The following KCNQ1 variants were observed in gnomAD, a reference collection of about 807,000 sequenced individuals.
KCNQ1 encodes the protein potassium voltage-gated channel subfamily KQT member 1.
KCNQ1 carries 49 observed loss-of-function variants against 72.4 expected under a neutral mutation model. The observed-to-expected ratio is 0.68, with a 90% confidence interval of 0.54 to 0.86. KCNQ1 has a LOEUF of 0.86. Among genes scored for constraint, KCNQ1 ranks in the 40% least tolerant of loss-of-function variants. The probability of loss-of-function intolerance (pLI) is 0.00; values close to 1 mark genes in which losing one functional copy is unlikely to be tolerated. For synonymous variants in KCNQ1, 450 were observed against 412.6 expected (o/e 1.09, Z -1.10); for missense variants, 790 against 945.1 (o/e 0.84, Z 2.15).
chr11:2,448,743 T>C (rs1565024660), intron 1 of KCNQ1, among the ~76,000 whole-genome samples: 1 of 152,228 alleles, frequency 6.6e-6, no homozygotes, highest in South Asian at 2.1e-4. Context: ...TTTTGGGGCT[T>C]TTCCCAGTGC....
At position 2,458,425 on chromosome 11, in the gene KCNQ1, G is replaced by A. The variant is rs915202530; in HGVS notation, c.386+12941G>A. On this transcript the variant is annotated intron_variant, in intron 1 of 15. Coordinates refer to ENST00000155840, the MANE Select transcript of KCNQ1 (RefSeq NM_000218.3). This position sits in a 1 kb window ranked among gnomAD's most constrained non-coding sequence, Gnocchi z 4.6. ...GTGATTAACCTGTGAACTGTAACTC[G>A]GGGAAACCCAGTAGCTGATGGGGTT... 1.3e-5 allele frequency among the ~76,000 whole-genome samples: 2 copies of A among 152,194 alleles called. No individual in the cohort carries two copies. Among genetic ancestry groups the A allele is most frequent in the African/African-American group, 4.8e-5 (2 of 41,448 alleles).
In KCNQ1 at chr11:2,462,886, G is replaced by C. The variant is rs1042383735; in HGVS notation, c.386+17402G>C. 6.6e-6 allele frequency among the ~76,000 whole-genome samples: 1 copy of C among 152,170 alleles called. No homozygotes were observed. ...GGGACCAAACCTGGGTCCATGTGCCGTGCCCAGCCTGGGGTTCAGGTTTCT... is the reference window on the plus strand; with the variant it reads ...GGGACCAAACCTGGGTCCATGTGCCCTGCCCAGCCTGGGGTTCAGGTTTCT... On this transcript the variant is annotated intron_variant, in intron 1 of 15. Coordinates refer to ENST00000155840, the MANE Select transcript of KCNQ1 (RefSeq NM_000218.3). This position sits in a 1 kb window ranked among gnomAD's most constrained non-coding sequence, Gnocchi z 8.2.
chr11:2,533,872 C>T (rs1019149261), intron 2 of KCNQ1, among the ~76,000 whole-genome samples: 1 of 152,238 alleles, frequency 6.6e-6, no homozygotes, highest in African/African-American at 2.4e-5. Flanking sequence ...CACGGCTAGT[C>T]CGCGCCTTTG....
chr11:2,510,300 TAAATA>T (rs969289825), intron 1 of KCNQ1, among the ~76,000 whole-genome samples: 13 of 151,074 alleles, frequency 8.6e-5, no homozygotes, highest in African/African-American at 2.9e-4. Context: ...AATTTTTAAA[TAAATA>T]AATAAAGGTT....
intron 11 of KCNQ1, among the ~76,000 whole-genome samples, chr11:2,738,227 C>T (rs773148572): frequency 1.2e-4 from 18 of 145,938 alleles, no homozygotes; most frequent in South Asian, 2.2e-4. Context: ...GGGGGCACAG[C>T]GGGTTCCTTA....
intron 2 of KCNQ1, among the ~76,000 whole-genome samples, chr11:2,557,104 G>A (rs1403944792): frequency 1.3e-5 from 2 of 152,168 alleles, no homozygotes; most frequent in Non-Finnish European, 2.9e-5. Flanking sequence ...ATGGGTGGTT[G>A]AAAAATAAAG....
At chr11:2,452,842 T>G (rs1846135078) in intron 1 of KCNQ1, among the ~76,000 whole-genome samples, 1 of 152,072 alleles carries the variant, frequency 6.6e-6, no homozygotes, top group Non-Finnish European at 1.5e-5. Flanking sequence ...CTCCAACCAG[T>G]GGGGAACAGA....
chr11:2,542,118 G>T (rs985073719), intron 2 of KCNQ1, among the ~76,000 whole-genome samples: 1 of 152,232 alleles, frequency 6.6e-6, no homozygotes. Flanking sequence ...AGACTTCCCC[G>T]TGGGTCCACA....
At chr11:2,551,148 C>T (rs940162453) in intron 2 of KCNQ1, among the ~76,000 whole-genome samples, 2 of 152,066 alleles carry the variant, frequency 1.3e-5, no homozygotes, top group Non-Finnish European at 2.9e-5. Context: ...GAAAACTCTC[C>T]CCCTCTGTAG....
At chr11:2,837,312 G>A (rs773819858) in intron 15 of KCNQ1, among the ~76,000 whole-genome samples, 1 of 152,092 alleles carries the variant, frequency 6.6e-6, no homozygotes, top group Non-Finnish European at 1.5e-5. Context: ...CAGGGAGCTG[G>A]GGACGAGGGG....
At position 2,785,196 on chromosome 11, in the gene KCNQ1, T is replaced by C. The variant is rs1228109268; in HGVS notation, c.1794+7159T>C. ...TTTAGTGTGTTGAGAGCTCTCATTA[T>C]GAATGGATATTGGATTTTGTCAAAT... On this transcript the variant is annotated intron_variant, in intron 15 of 15. Coordinates refer to ENST00000155840, the MANE Select transcript of KCNQ1 (RefSeq NM_000218.3). This position sits in a 1 kb window ranked among gnomAD's most constrained non-coding sequence, Gnocchi z 4.4. 6.6e-6 allele frequency among the ~76,000 whole-genome samples: 1 copy of C among 152,034 alleles called. No individual in the cohort carries two copies. The highest frequency in any genetic ancestry group is 1.9e-4 in the East Asian group (1 of 5,200).
chr11:2,689,180 T>C (rs1199144041), intron 11 of KCNQ1: 15 of 398,680 alleles, frequency 3.8e-5, no homozygotes, highest in Admixed American at 8.8e-5. Context: ...TCCTCCTCCT[T>C]TTCTGTGCAA....
In KCNQ1 at chr11:2,595,935, T is replaced by G. The variant is rs149153718; in HGVS notation, c.1393+7081T>G. Among the ~76,000 whole-genome samples, 1 of 152,272 alleles carries G rather than the reference T, an allele frequency of 6.6e-6. No individual in the cohort carries two copies. The highest frequency in any genetic ancestry group is 2.4e-5 in the African/African-American group (1 of 41,542). ...AGTGATTCATGGAAGAACGTCAAAATATCAGCATTAACAGGAATTGGGAAA... is the reference window on the plus strand; with the variant it reads ...AGTGATTCATGGAAGAACGTCAAAAGATCAGCATTAACAGGAATTGGGAAA... On this transcript the variant is annotated intron_variant, in intron 10 of 15. Transcript: ENST00000155840. This position sits in a 1 kb window ranked among gnomAD's most constrained non-coding sequence, Gnocchi z 5.0.
At chr11:2,786,646 A>G (rs145110643) in intron 15 of KCNQ1, among the ~76,000 whole-genome samples, 2 of 150,618 alleles carry the variant, frequency 1.3e-5, no homozygotes, top group Admixed American at 1.3e-4. Context: ...CCAGTTCACT[A>G]GTTGTTTCTT....
chr11:2,698,619 T>A lies in KCNQ1; in HGVS notation c.1514+36538T>A, dbSNP rs898755824. The A allele has an allele frequency of 8.5e-5, 34 of 398,200 alleles. No homozygotes were observed. The highest frequency in any genetic ancestry group is 1.4e-4 in the Non-Finnish European group (31 of 226,020). 24.7% of individuals were successfully genotyped at this position (398,200 alleles called of 1,614,324 possible). ...CTTCGACTTCAATTCCTGACTCCCA[T>A]ACCCCACTGAGACCTCTAACCCCAA... On this transcript the variant is annotated intron_variant, in intron 11 of 15. Coordinates refer to ENST00000155840, the MANE Select transcript of KCNQ1 (RefSeq NM_000218.3). The surrounding 1 kb of genome is among the most constrained non-coding windows in gnomAD (Gnocchi z 5.1).
chr11:2,468,886 C>G lies in KCNQ1; in HGVS notation c.386+23402C>G, dbSNP rs1253467548. Among the ~76,000 whole-genome samples, 2 of 152,160 alleles carry G rather than the reference C, an allele frequency of 1.3e-5. No individual in the cohort carries two copies. Among genetic ancestry groups the G allele is most frequent in the Non-Finnish European group, 2.9e-5 (2 of 68,032 alleles). On this transcript the variant is annotated intron_variant, in intron 1 of 15. Coordinates refer to ENST00000155840, the MANE Select transcript of KCNQ1 (RefSeq NM_000218.3). This position sits in a 1 kb window ranked among gnomAD's most constrained non-coding sequence, Gnocchi z 5.7. ...GTCTCTGTGCGAGCAAATGCTTTTG[C>G]TTCTCTTGTGCAAGCAAGTGGTTGA... is the stretch of plus-strand genomic sequence containing the variant.
rs1847752936 is a variant in KCNQ1 at position 2,537,540 on chromosome 11, G to A, written c.477+9522G>A. On this transcript the variant is annotated intron_variant, in intron 2 of 15. Transcript: ENST00000155840. This position sits in a 1 kb window ranked among gnomAD's most constrained non-coding sequence, Gnocchi z 5.2. ...AGGGCCTTTTGGTTCCACAGTCTGT[G>A]TCTTTCTTCCTGGGTGTCTGAATTT... Among the ~76,000 whole-genome samples the A allele has an allele frequency of 6.6e-6, 1 of 152,020 alleles. No homozygotes were observed. The highest frequency in any genetic ancestry group is 2.4e-5 in the African/African-American group (1 of 41,296).
In KCNQ1 at chr11:2,466,005, C is replaced by T. The variant is rs549377299; in HGVS notation, c.386+20521C>T. Among the ~76,000 whole-genome samples the T allele has an allele frequency of 4.6e-5, 7 of 152,340 alleles. No homozygotes were observed. The South Asian group carries it at 8.3e-4, about 18-fold the overall frequency. On this transcript the variant is annotated intron_variant, in intron 1 of 15. Coordinates refer to ENST00000155840, the MANE Select transcript of KCNQ1 (RefSeq NM_000218.3). Reference sequence around the variant, plus strand: ...CGGCTCAGGTCGACTCCCAGGGGCCCGCCCTTCAGGGCCTGCATGAGTGTT... The same window carrying T: ...CGGCTCAGGTCGACTCCCAGGGGCCTGCCCTTCAGGGCCTGCATGAGTGTT...
At chr11:2,844,115 A>T (rs954205630) in intron 15 of KCNQ1, among the ~76,000 whole-genome samples, 3 of 152,182 alleles carry the variant, frequency 2.0e-5, no homozygotes, top group Non-Finnish European at 4.4e-5. Flanking sequence ...CGCCAAAAAA[A>T]ACCAAACGTG....
Sources: allele counts gnomAD v4.1 joint callset (sites outside exome capture counted in the v4.1 genomes callset), GRCh38; gene constraint gnomAD v4.1.1; non-coding constraint Gnocchi (gnomAD v3.1); transcripts MANE v1.5; gene names NCBI Gene and HGNC (gene_info 2026-07-23, HGNC 2026-07-21).